UBE2S: variants seen among roughly 807,000 people sequenced by gnomAD.
UBE2S encodes ubiquitin-conjugating enzyme E2 S.
Under a neutral mutation model 12.3 loss-of-function variants are expected in UBE2S, and 3 were observed. The ratio of observed to expected loss-of-function variants is 0.24; its 90% CI spans 0.11 to 0.63. The LOEUF (loss-of-function observed/expected upper bound fraction) is 0.63. UBE2S is among the 30% of genes least tolerant of loss of function. The pLI is 0.85. For synonymous variants in UBE2S, 133 were observed against 142.0 expected (o/e 0.94, Z 0.45); for missense variants, 211 against 313.9 (o/e 0.67, Z 2.48).
Position 55,406,888 on chromosome 19 carries a change from G to A in UBE2S, c.78C>T (p.Asp26=). ...VYKEVTTLTA[D]PPDGIKVFPN... ...GAAAGACCTTGATGCCATCGGGTGGGTCTGCGGTCAGTGTCGTCACCTCCT... is the reference window on the plus strand; with the variant it reads ...GAAAGACCTTGATGCCATCGGGTGGATCTGCGGTCAGTGTCGTCACCTCCT... Residue 26 remains aspartate, a synonymous_variant, in exon 2 of 4, where the codon GAC becomes GAT. Coordinates refer to ENST00000264552, the MANE Select transcript of UBE2S (RefSeq NM_014501.3). 3 of 1,614,030 alleles carry A rather than the reference G, an allele frequency of 1.9e-6. No homozygotes were observed. Among genetic ancestry groups the A allele is most frequent in the Non-Finnish European group, 2.5e-6 (3 of 1,179,966 alleles).
chr19:55,406,765 T>C (rs757349861), intron 2 of UBE2S, 50 bp downstream of exon 2: 5 of 1,575,784 alleles, frequency 3.2e-6, no homozygotes, highest in South Asian at 1.2e-5. Flanking sequence ...TAGAGCAGGG[T>C]GATGGAGGAT....
Position 55,404,259 on chromosome 19 carries a change from A to C in UBE2S, c.342+29T>G. 6.2e-7 allele frequency: 1 copy of C among 1,611,590 alleles called. No individual in the cohort carries two copies. The highest frequency in any genetic ancestry group is 8.5e-7 in the Non-Finnish European group (1 of 1,179,362). The stretch of plus-strand genomic sequence containing the variant: ...CAGCAGACCTCCAGAGGCAGGAGGC[A>C]GGAGGCCCAGCCCCAGCCCAGAACT... On this transcript the variant is annotated intron_variant, in intron 3 of 3. Transcript: ENST00000264552. The surrounding 1 kb of genome is among the most constrained non-coding windows in gnomAD (Gnocchi z 4.4).
chr19:55,402,699 C>T (rs887791647), intron 3 of UBE2S, among the ~76,000 whole-genome samples: 2 of 152,208 alleles, frequency 1.3e-5, no homozygotes, highest in African/African-American at 4.8e-5. Context: ...GGCTGAGCCC[C>T]TGACAGGCCC....
At position 55,407,668 on chromosome 19, in the gene UBE2S, A is replaced by G. The variant is rs1455147473; in HGVS notation, c.-79T>C. 18 of 1,168,198 alleles carry G rather than the reference A, an allele frequency of 1.5e-5. No homozygotes were observed. Among genetic ancestry groups the G allele is most frequent in the Admixed American group, 4.3e-5 (1 of 23,466 alleles). The allele number at this position is 1,168,198 out of a possible 1,614,324, so 72.4% of individuals were successfully genotyped here. A position where few individuals can be genotyped will look rare whatever the true frequency, so the allele number is the denominator to read the frequency against. Reference sequence around the variant, plus strand: ...TCCGCCGGCCGGGGCGGGGGGCCCAACTGCTGCCGCTGCGGCCCTGGAGAG... The same window carrying G: ...TCCGCCGGCCGGGGCGGGGGGCCCAGCTGCTGCCGCTGCGGCCCTGGAGAG... On this transcript the variant is annotated 5_prime_UTR_variant, in exon 1 of 4. Transcript: ENST00000264552.
chr19:55,404,557 C>T lies in UBE2S; in HGVS notation c.152-79G>A, dbSNP rs1568441433. 6.0e-6 allele frequency: 8 copies of T among 1,341,122 alleles called. No individual in the cohort carries two copies. The highest frequency in any genetic ancestry group is 7.1e-6 in the Non-Finnish European group (7 of 986,946). 83.1% of individuals were successfully genotyped at this position (1,341,122 alleles called of 1,614,324 possible). On this transcript the variant is annotated intron_variant, in intron 2 of 3. Coordinates refer to ENST00000264552, the MANE Select transcript of UBE2S (RefSeq NM_014501.3). The surrounding 1 kb of genome is among the most constrained non-coding windows in gnomAD (Gnocchi z 4.4). ...TCAACACCCCAAAGTCCAGTCTCCA[C>T]GGTCTGATTGTGATGCAGGTGGGTG...
chr19:55,403,342 A>T, intron 3 of UBE2S: 1 of 519,850 alleles, frequency 1.9e-6, no homozygotes, highest in South Asian at 2.6e-5. Context: ...TATAAAAACT[A>T]GCTGGGTATG....
In UBE2S at chr19:55,406,974, T is replaced by TGGGAGAGCA. The variant is rs1261780344; in HGVS notation, c.4-21_4-13dup. 1 of 1,612,628 alleles carries TGGGAGAGCA rather than the reference T, an allele frequency of 6.2e-7. No homozygotes were observed. Among genetic ancestry groups the TGGGAGAGCA allele is most frequent in the African/African-American group, 1.3e-5 (1 of 74,842 alleles). ...TCCACGTTGGAGTTCTGGGCACGGA[T>TGGGAGAGCA]GGGAGAGCAGGGTGAGCGAGTGTTA... is the stretch of plus-strand genomic sequence containing the variant. On this transcript the variant is annotated splice_polypyrimidine_tract_variant and intron_variant, in intron 1 of 3. Coordinates refer to ENST00000264552, the MANE Select transcript of UBE2S (RefSeq NM_014501.3).
rs1369706768 is a variant in UBE2S, at chr19:55,401,707, G to A, written c.398C>T (p.Ala133Val). ...GTAGTTCTCCAAGAGCAGGCGGCCC[G>A]CCTCCTCGTTGAGTGCAGACTCGGG... ...PNPESALNEE[A>V]GRLLLENYEE... The change falls in exon 4 of 4, where the codon GCG becomes GTG. Residue 133 changes from alanine (A) to valine (V), a missense_variant. This residue lies in a region of UBE2S where 127 missense variants were observed against 224.0 expected (regional missense o/e 0.57). Coordinates refer to ENST00000264552, the MANE Select transcript of UBE2S (RefSeq NM_014501.3). The A allele has an allele frequency of 3.1e-6, 5 of 1,613,396 alleles. No individual in the cohort carries two copies. Among genetic ancestry groups the A allele is most frequent in the East Asian group, 2.2e-5 (1 of 44,856 alleles).
chr19:55,401,294 CTTTA>C lies in UBE2S; in HGVS notation c.*138_*141del. 3 of 916,842 alleles carry C rather than the reference CTTTA, an allele frequency of 3.3e-6. No homozygotes were observed. The highest frequency in any genetic ancestry group is 5.3e-5 in the East Asian group (2 of 38,024). The allele number at this position is 916,842 out of a possible 1,614,324, so 56.8% of individuals were successfully genotyped here. On this transcript the variant is annotated 3_prime_UTR_variant, in exon 4 of 4. Coordinates refer to ENST00000264552, the MANE Select transcript of UBE2S (RefSeq NM_014501.3). ...TGAGACACAGAAGCTGCTTTTCCAA[CTTTA>C]TTTAGAAAAACAAATCCAGGTCCCA...
At chr19:55,406,732 G>T in intron 2 of UBE2S, 83 bp downstream of exon 2, 1 of 1,512,948 alleles carries the variant, frequency 6.6e-7, no homozygotes. Context: ...AGCCTGTAAT[G>T]GGTACTTCCC....
In UBE2S at chr19:55,404,298, T is replaced by C; in HGVS notation, c.332A>G (p.His111Arg). The C allele has an allele frequency of 6.2e-7, 1 of 1,613,018 alleles. No individual in the cohort carries two copies. Among genetic ancestry groups the C allele is most frequent in the Non-Finnish European group, 8.5e-7 (1 of 1,179,846 alleles). The change falls in exon 3 of 4, where the codon CAC (histidine) becomes CGC (arginine). Residue 111 changes from histidine (H) to arginine (R), a missense_variant. By Grantham distance (29) the His-to-Arg change is conservative (BLOSUM62 0). Coordinates refer to ENST00000264552, the MANE Select transcript of UBE2S (RefSeq NM_014501.3). The surrounding 1 kb of genome is among the most constrained non-coding windows in gnomAD (Gnocchi z 4.4). The part of the protein sequence containing the change: ...RDWTAELGIR[H>R]VLLTIKCLLI... ...CAGCCCAGAACTCACCAGCAGTACGTGTCGGATGCCCAGCTCAGCCGTCCA... is the reference window on the plus strand; with the variant it reads ...CAGCCCAGAACTCACCAGCAGTACGCGTCGGATGCCCAGCTCAGCCGTCCA...
chr19:55,401,120 G>C lies in UBE2S; in HGVS notation c.*316C>G, dbSNP rs1391053526. On this transcript the variant is annotated 3_prime_UTR_variant, in exon 4 of 4. Transcript: ENST00000264552. ...GACCGCTCTACCTCCACAGAACAAA[G>C]AGGTGGACCCAAACCTCAAACAGCA... 4.6e-6 allele frequency: 2 copies of C among 431,132 alleles called. No individual in the cohort carries two copies. The highest frequency in any genetic ancestry group is 2.9e-5 in the South Asian group (1 of 33,946). The allele number at this position is 431,132 out of a possible 1,614,324, so 26.7% of individuals were successfully genotyped here.
At chr19:55,402,471 G>C (rs1280067456) in intron 3 of UBE2S, among the ~76,000 whole-genome samples, 3 of 152,206 alleles carry the variant, frequency 2.0e-5, no homozygotes. Flanking sequence ...GCAGAGGTGT[G>C]ACCTGCAGCC....
In UBE2S at chr19:55,401,769, G is replaced by A. The variant is rs775546452; in HGVS notation, c.343-7C>T. The A allele has an allele frequency of 6.2e-7, 1 of 1,613,048 alleles. No homozygotes were observed. The highest frequency in any genetic ancestry group is 1.1e-5 in the South Asian group (1 of 91,084). ...TCAGCAGGCACTTGATGGTCTGTGG[G>A]AAGAGGCTCAGGGTCACAGTGGGTC... On this transcript the variant is annotated splice_region_variant and splice_polypyrimidine_tract_variant and intron_variant, in intron 3 of 3. Transcript: ENST00000264552.
At chr19:55,406,386 T>A (rs1415750423) in intron 2 of UBE2S, among the ~76,000 whole-genome samples, 1 of 152,210 alleles carries the variant, frequency 6.6e-6, no homozygotes, top group Non-Finnish European at 1.5e-5. Flanking sequence ...AAATCATTCA[T>A]GACCCGTCTC....
chr19:55,401,910 ATCT>A, intron 3 of UBE2S, 148 bp from the exon 4 acceptor site: 2 of 673,512 alleles, frequency 3.0e-6, no homozygotes, highest in Admixed American at 7.9e-5. Context: ...ATCCTCCCTC[ATCT>A]TTGCTCCTGT....
intron 3 of UBE2S, chr19:55,403,281 G>A (rs1181333133): frequency 5.3e-6 from 3 of 570,686 alleles, no homozygotes; most frequent in Admixed American, 3.2e-5. Flanking sequence ...TGTAAGCTCA[G>A]CTTTAGCAAA....
In UBE2S at chr19:55,407,524, ACTC is replaced by A. The variant is rs1487061358; in HGVS notation, c.3+60_3+62del. ...AGGCCGCCCGTCGGAGGCCCCTGAGACTCCACCTCCTCCCTCAGGGACACCCCC... is the reference window on the plus strand; with the variant it reads ...AGGCCGCCCGTCGGAGGCCCCTGAGACACCTCCTCCCTCAGGGACACCCCC... On this transcript the variant is annotated intron_variant, in intron 1 of 3. Coordinates refer to ENST00000264552, the MANE Select transcript of UBE2S (RefSeq NM_014501.3). 4.0e-6 allele frequency: 6 copies of A among 1,509,488 alleles called. No individual in the cohort carries two copies. The Admixed American group carries it at 1.0e-4, about 26-fold the overall frequency. The allele number at this position is 1,509,488 out of a possible 1,614,324, so 93.5% of individuals were successfully genotyped here.
At chr19:55,401,927 C>T (rs1023125537) in intron 3 of UBE2S, among the ~76,000 whole-genome samples, 165 bp from the exon 4 acceptor site, 1 of 152,252 alleles carries the variant, frequency 6.6e-6, no homozygotes, top group African/African-American at 2.4e-5. Flanking sequence ...CTCCTGTCTC[C>T]CTCAGAGGCC....
Sources: allele counts gnomAD v4.1 joint callset (sites outside exome capture counted in the v4.1 genomes callset), GRCh38; gene constraint gnomAD v4.1.1; regional missense constraint gnomAD v4.1.1; non-coding constraint Gnocchi (gnomAD v3.1); transcripts MANE v1.5; gene names NCBI Gene and HGNC (gene_info 2026-07-23, HGNC 2026-07-21).